Variants in KALRN observed in about 807,000 individuals in gnomAD.
The protein encoded by KALRN is kalirin RhoGEF kinase, also known as kalirin.
Under a neutral mutation model 353.7 loss-of-function variants are expected in KALRN, and 70 were observed. The ratio of observed to expected loss-of-function variants is 0.20; its 90% CI spans 0.16 to 0.24. The LOEUF is 0.24. Ranked by LOEUF, KALRN falls within the 10% of genes least tolerant of loss-of-function variation. The pLI is 1.00. For synonymous variants in KALRN, 1,391 were observed against 1,434.8 expected (o/e 0.97, Z 0.69); for missense variants, 2,791 against 3,756.7 (o/e 0.74, Z 6.72).
intron 56 of KALRN, 110 bp downstream of exon 56, chr3:124,700,143 C>A: frequency 1.0e-6 from 1 of 980,710 alleles, no homozygotes; most frequent in South Asian, 1.5e-5. Context: ...CAAGAGGCAC[C>A]TTTTAGAGGA....
intron 10 of KALRN, among the ~76,000 whole-genome samples, chr3:124,377,937 T>A (rs1405467420): frequency 6.6e-6 from 1 of 152,160 alleles, no homozygotes; most frequent in Non-Finnish European, 1.5e-5. Context: ...CTTGTGTCTT[T>A]GTACTTATAG....
intron 33 of KALRN, among the ~76,000 whole-genome samples, chr3:124,537,807 G>A (rs1458416241): frequency 6.6e-6 from 1 of 152,192 alleles, no homozygotes; most frequent in East Asian, 1.9e-4. Context: ...TCAGGGATTT[G>A]GACCTGGTTC....
chr3:124,086,309 T>TGTG (rs2060815428), intron 1 of KALRN, among the ~76,000 whole-genome samples: 1 of 141,768 alleles, frequency 7.1e-6, no homozygotes, highest in Non-Finnish European at 1.5e-5. Context: ...GGTTGTTTTG[T>TGTG]TGTGTGTGTG....
chr3:124,493,484 T>C (rs1365731442), intron 32 of KALRN, among the ~76,000 whole-genome samples: 7 of 152,208 alleles, frequency 4.6e-5, no homozygotes, highest in African/African-American at 1.7e-4. Flanking sequence ...AAGTATTTCT[T>C]TCCCAAGTCT....
At chr3:124,647,981 T>C (rs1212134636) in intron 37 of KALRN, among the ~76,000 whole-genome samples, 1 of 152,240 alleles carries the variant, frequency 6.6e-6, no homozygotes, top group African/African-American at 2.4e-5. Context: ...TCTATCCCCA[T>C]GTACCTTTTC....
intron 29 of KALRN, among the ~76,000 whole-genome samples, chr3:124,489,042 G>T (rs1269340921): frequency 6.6e-6 from 1 of 152,160 alleles, no homozygotes; most frequent in African/African-American, 2.4e-5. Context: ...TTTGTTAGAT[G>T]AGTTAAGATT....
chr3:124,526,371 G>A (rs977024993), intron 33 of KALRN, among the ~76,000 whole-genome samples: 9 of 152,046 alleles, frequency 5.9e-5, no homozygotes, highest in Admixed American at 3.9e-4. Context: ...CCAGGAGTTC[G>A]AGACCAGCAT....
At chr3:124,714,878 T>C (rs528625418) in intron 58 of KALRN, among the ~76,000 whole-genome samples, 81 of 152,200 alleles carry the variant, frequency 5.3e-4, no homozygotes, top group Non-Finnish European at 9.9e-4. Context: ...TAGCTGGACA[T>C]GGTGGCAGGC....
intron 34 of KALRN, among the ~76,000 whole-genome samples, chr3:124,596,683 T>G (rs2076295352): frequency 6.6e-6 from 1 of 152,138 alleles, no homozygotes; most frequent in Non-Finnish European, 1.5e-5. Context: ...CTTAGGTGAG[T>G]TGATGTATGT....
chr3:124,175,283 C>T (rs570102278), intron 1 of KALRN, among the ~76,000 whole-genome samples: 1 of 152,384 alleles, frequency 6.6e-6, no homozygotes, highest in African/African-American at 2.4e-5. Context: ...GCACCTAGCG[C>T]TGTGTGCACT....
chr3:124,044,555 A>G (rs1224980302), intron 1 of KALRN, among the ~76,000 whole-genome samples: 4 of 150,856 alleles, frequency 2.7e-5, no homozygotes, highest in African/African-American at 9.8e-5. Context: ...TGGATGTTGC[A>G]GTGAGCCAAG....
chr3:124,458,275 CAA>C (rs35854921), intron 23 of KALRN, among the ~76,000 whole-genome samples: 5 of 83,122 alleles, frequency 6.0e-5, no homozygotes, highest in Non-Finnish European at 6.7e-5. Context: ...GACTCTGTCT[CAA>C]AAAAAAAAAA....
At chr3:124,416,242 C>T (rs1373932537) in intron 14 of KALRN, among the ~76,000 whole-genome samples, 1 of 152,180 alleles carries the variant, frequency 6.6e-6, no homozygotes, top group Non-Finnish European at 1.5e-5. Flanking sequence ...CTGATGTGAC[C>T]CTGGGCAAGC....
chr3:124,354,733 A>AGTCC (rs1174944809), intron 10 of KALRN, among the ~76,000 whole-genome samples: 1 of 152,220 alleles, frequency 6.6e-6, no homozygotes, highest in Non-Finnish European at 1.5e-5. Flanking sequence ...TATAATAGGT[A>AGTCC]GTCCTGAGAC....
rs73858408 is a variant in KALRN at position 124,298,251 on chromosome 3, T to C, written c.970-540T>C. On this transcript the variant is annotated intron_variant, in intron 5 of 59. Coordinates refer to ENST00000682506, the MANE Select transcript of KALRN (RefSeq NM_001388419.1). Reference sequence around the variant, plus strand: ...TACTACGCTTAAAACCCTCATCTTCTGCTTCCCAGTGGGTTATAGCAGAAA... The same window carrying C: ...TACTACGCTTAAAACCCTCATCTTCCGCTTCCCAGTGGGTTATAGCAGAAA... 6.3e-3 allele frequency among the ~76,000 whole-genome samples: 958 copies of C among 152,298 alleles called. 18 individuals are homozygous for C. Among genetic ancestry groups the C allele is most frequent in the African/African-American group, 0.022 (932 of 41,552 alleles).
In KALRN at chr3:124,446,288, C is replaced by G; in HGVS notation, c.3429+12C>G. 6.3e-7 allele frequency: 1 copy of G among 1,587,134 alleles called. No homozygotes were observed. Among genetic ancestry groups the G allele is most frequent in the South Asian group, 1.1e-5 (1 of 89,632 alleles). On this transcript the variant is annotated intron_variant, in intron 20 of 59. Transcript: ENST00000682506. ...GCAGCGCTAAGCAGGTTGTCCAAAG[C>G]TTTCCCTGGCACTATCTCAGTTCTG... is the stretch of plus-strand genomic sequence containing the variant.
intron 1 of KALRN, among the ~76,000 whole-genome samples, chr3:124,227,295 G>C (rs2078626329): frequency 1.3e-5 from 2 of 152,150 alleles, no homozygotes; most frequent in South Asian, 4.1e-4. Context: ...CAAGGTAGTG[G>C]GTAGTGCATT....
chr3:124,430,935 G>A (rs1037695522), intron 16 of KALRN, among the ~76,000 whole-genome samples, 160 bp downstream of exon 16: 1 of 152,166 alleles, frequency 6.6e-6, no homozygotes, highest in Non-Finnish European at 1.5e-5. Flanking sequence ...GAGTTGATAG[G>A]GAAGCAAATG....
rs531295669 is a variant in KALRN at position 124,281,007 on chromosome 3, A to G, written c.969+11752A>G. Among the ~76,000 whole-genome samples the G allele has an allele frequency of 9.2e-5, 14 of 152,296 alleles. No individual in the cohort carries two copies. In the East Asian group the frequency reaches 2.7e-3, roughly 29 times the overall value. ...AAAACAACATGGCACATGTATACCT[A>G]TGTATCAAACCTGCACATTGTGCAC... On this transcript the variant is annotated intron_variant, in intron 5 of 59. Coordinates refer to ENST00000682506, the MANE Select transcript of KALRN (RefSeq NM_001388419.1).
Sources: gnomAD v4.1 joint callset for allele counts (sites outside exome capture counted in the v4.1 genomes callset) on GRCh38, gnomAD v4.1.1 for gene constraint, MANE v1.5 for transcripts, NCBI Gene and HGNC (gene_info 2026-07-23, HGNC 2026-07-21) for gene names.